Variants in FER observed in about 807,000 individuals in gnomAD.
FER encodes the protein FER tyrosine kinase.
FER carries 63 observed loss-of-function variants against 111.0 expected under a neutral mutation model. The ratio of observed to expected loss-of-function variants is 0.57; its 90% confidence interval spans 0.46 to 0.70. FER has a LOEUF of 0.70. Ranked by LOEUF, FER falls within the 30% of genes least tolerant of loss-of-function variation. The probability of loss-of-function intolerance (pLI) is 0.00; values close to 1 mark genes in which losing one functional copy is unlikely to be tolerated. For synonymous variants in FER, 327 were observed against 313.9 expected, an observed-to-expected ratio of 1.04 and a Z score of -0.44; for missense variants, 914 against 954.0, an observed-to-expected ratio of 0.96 and a Z score of 0.55.
intron 1 of FER, among the ~76,000 whole-genome samples, chr5:108,750,319 T>TA (rs1491298957): frequency 1.3e-5 from 2 of 151,738 alleles, no homozygotes; most frequent in African/African-American, 4.8e-5. Context: ...GTAGTCCTGG[T>TA]ATATATACCT....
rs568057467 is a variant in FER, at chr5:108,891,712, C to T, written c.1047-5947C>T. On this transcript the variant is annotated intron_variant, in intron 9 of 19. Transcript: ENST00000281092. ...TACGTTTTAGGGTACATGTGCACAA[C>T]GTGCAGGTTAGTTACATATGTATAC... Among the ~76,000 whole-genome samples, 36 of 150,258 alleles carry T rather than the reference C, an allele frequency of 2.4e-4. 1 individual carries two copies. The South Asian group carries it at 6.1e-3, about 25-fold the overall frequency.
intron 10 of FER, among the ~76,000 whole-genome samples, chr5:108,934,347 G>A (rs974935210): frequency 6.6e-6 from 1 of 152,070 alleles, no homozygotes; most frequent in Non-Finnish European, 1.5e-5. Context: ...AACACAGAAG[G>A]TTCCTTCTAC....
At chr5:109,169,622 A>G (rs1398650437) in intron 17 of FER, among the ~76,000 whole-genome samples, 1 of 152,186 alleles carries the variant, frequency 6.6e-6, no homozygotes, top group African/African-American at 2.4e-5. Flanking sequence ...TCCTATAAAT[A>G]CTGAAAACTG....
chr5:109,147,111 G>A (rs1754308779), intron 17 of FER, among the ~76,000 whole-genome samples: 2 of 151,558 alleles, frequency 1.3e-5, no homozygotes, highest in Non-Finnish European at 2.9e-5. Context: ...ACAGAAAAGT[G>A]ATTACTCAGA....
At position 108,822,743 on chromosome 5, in the gene FER, AT is replaced by A. The variant is rs879615934; in HGVS notation, c.208-10023del. Among the ~76,000 whole-genome samples, 1,325 of 142,576 alleles carry A rather than the reference AT, an allele frequency of 9.3e-3. 21 individuals carry two copies. Among genetic ancestry groups the A allele is most frequent in the African/African-American group, 0.031 (1,158 of 37,818 alleles). The allele number at this position is 142,576 out of a possible 152,430, so 93.5% of individuals were successfully genotyped here. On this transcript the variant is annotated intron_variant, in intron 3 of 19. Transcript: ENST00000281092. ...ATTTTATTTTATTTTATTTTATTTT[AT>A]TTTATTTTATTTTATTTTATTTATT... is the stretch of plus-strand genomic sequence containing the variant.
chr5:109,105,900 G>T (rs1262939658), intron 17 of FER, among the ~76,000 whole-genome samples: 3 of 152,196 alleles, frequency 2.0e-5, no homozygotes, highest in South Asian at 4.1e-4. Context: ...CTGGAACAGT[G>T]CCTAGCAATT....
chr5:109,137,351 C>T (rs1321178067), intron 17 of FER, among the ~76,000 whole-genome samples: 1 of 152,158 alleles, frequency 6.6e-6, no homozygotes, highest in African/African-American at 2.4e-5. Context: ...TTGACTCTCC[C>T]TTAGGGTTTA....
At chr5:108,844,037 T>C (rs550946130) in intron 5 of FER, among the ~76,000 whole-genome samples, 2 of 152,020 alleles carry the variant, frequency 1.3e-5, no homozygotes, top group Admixed American at 6.6e-5. Flanking sequence ...TATATGTGTG[T>C]GAACATATAT....
Position 108,948,445 on chromosome 5 carries a change from G to A in FER, c.1329+2223G>A, listed in dbSNP as rs532000734. Among the ~76,000 whole-genome samples the A allele has an allele frequency of 3.9e-5, 6 of 152,170 alleles. 1 individual carries two copies. The South Asian group carries it at 1.2e-3, about 32-fold the overall frequency. ...CTTTCCTTTCCAGTGTACCAAAGGGGTTAAAATCCCTATTATTAGTATCTC... is the reference window on the plus strand; with the variant it reads ...CTTTCCTTTCCAGTGTACCAAAGGGATTAAAATCCCTATTATTAGTATCTC... On this transcript the variant is annotated intron_variant, in intron 11 of 19. Coordinates refer to ENST00000281092, the MANE Select transcript of FER (RefSeq NM_005246.4).
chr5:108,895,162 C>T (rs984848000), intron 9 of FER, among the ~76,000 whole-genome samples: 3 of 152,122 alleles, frequency 2.0e-5, no homozygotes, highest in Non-Finnish European at 4.4e-5. Context: ...TGAGAAGTCA[C>T]TTGTTAAAAT....
chr5:108,958,998 G>C (rs557173002), intron 12 of FER, among the ~76,000 whole-genome samples: 105 of 151,882 alleles, frequency 6.9e-4, no homozygotes, highest in Non-Finnish European at 1.2e-3. Context: ...TGTGAAAATT[G>C]ATTTATCTGT....
At chr5:109,179,368 A>G (rs1172810852) in intron 17 of FER, among the ~76,000 whole-genome samples, 1 of 151,664 alleles carries the variant, frequency 6.6e-6, no homozygotes, top group Non-Finnish European at 1.5e-5. Flanking sequence ...GTCAGGTTAA[A>G]TAAATTCCTT....
intron 8 of FER, among the ~76,000 whole-genome samples, chr5:108,882,072 G>A (rs1391159969): frequency 2.0e-5 from 3 of 151,848 alleles, no homozygotes; most frequent in Non-Finnish European, 4.4e-5. Context: ...CTATACTAGG[G>A]CATTTAAATA....
intron 16 of FER, among the ~76,000 whole-genome samples, chr5:109,094,072 T>C (rs1028418204): frequency 6.6e-6 from 1 of 151,914 alleles, no homozygotes; most frequent in Non-Finnish European, 1.5e-5. Context: ...ATGGGGAGGG[T>C]GGCAGAGGAC....
intron 17 of FER, among the ~76,000 whole-genome samples, chr5:109,156,993 C>A (rs1755467695): frequency 2.6e-5 from 4 of 151,934 alleles, no homozygotes; most frequent in African/African-American, 9.7e-5. Flanking sequence ...GGAGGTAGAC[C>A]ACACTTGGTA....
chr5:109,145,570 G>C (rs1464335319), intron 17 of FER, among the ~76,000 whole-genome samples: 1 of 151,912 alleles, frequency 6.6e-6, no homozygotes, highest in Non-Finnish European at 1.5e-5. Context: ...GCATTGCTTG[G>C]CATCAAGCAG....
At chr5:108,786,246 C>T (rs1029343949) in intron 2 of FER, among the ~76,000 whole-genome samples, 4 of 152,176 alleles carry the variant, frequency 2.6e-5, no homozygotes, top group Non-Finnish European at 5.9e-5. Flanking sequence ...TTTTCTAAAG[C>T]CCTATGCTGG....
intron 16 of FER, among the ~76,000 whole-genome samples, chr5:109,074,394 A>T (rs753598908): frequency 1.3e-5 from 2 of 152,220 alleles, no homozygotes; most frequent in Non-Finnish European, 2.9e-5. Flanking sequence ...AATATCATGC[A>T]GGATTGCTAG....
chr5:108,802,337 A>G (rs1304387387), intron 3 of FER, among the ~76,000 whole-genome samples: 1 of 152,172 alleles, frequency 6.6e-6, no homozygotes, highest in African/African-American at 2.4e-5. Context: ...AAAATGATAT[A>G]CATTTTAAAT....
Sources: allele counts gnomAD v4.1 joint callset (sites outside exome capture counted in the v4.1 genomes callset), GRCh38; gene constraint gnomAD v4.1.1; transcripts MANE v1.5; gene names NCBI Gene and HGNC (gene_info 2026-07-23, HGNC 2026-07-21).